The following SNW1 variants were observed in gnomAD, a reference collection of about 807,000 sequenced individuals.
SNW1 encodes SNW domain-containing protein 1.
Under a neutral mutation model 75.6 loss-of-function variants are expected in SNW1, and 9 were observed. The ratio of observed to expected loss-of-function variants is 0.12; its 90% confidence interval spans 0.07 to 0.21. SNW1 has a LOEUF of 0.21. Ranked by LOEUF, SNW1 falls within the 10% of genes least tolerant of loss-of-function variation. SNW1 has a pLI of 1.00. For missense variants in SNW1, 409 were observed against 670.9 expected, an observed-to-expected ratio of 0.61 and a Z score of 4.31; for synonymous variants, 200 against 219.1, an observed-to-expected ratio of 0.91 and a Z score of 0.77.
Position 77,718,133 on chromosome 14 carries a change from G to A in SNW1, c.1566C>T (p.Arg522=), listed in dbSNP as rs2080504664. Residue 522 remains arginine (R), a synonymous_variant, in exon 14 of 14, where the codon CGC becomes CGT. Coordinates refer to ENST00000261531, the MANE Select transcript of SNW1 (RefSeq NM_012245.3). ...TGCCTTCATGCTCGTGTTCCTTGGG[G>A]CGGCTGCTATCTGAGGGTCTTTTAG... ...GGSKRPSDSS[R]PKEHEHEGKK... The A allele has an allele frequency of 6.2e-7, 1 of 1,609,710 alleles. No homozygotes were observed. Among genetic ancestry groups the A allele is most frequent in the Admixed American group, 1.7e-5 (1 of 58,854 alleles).
Position 77,738,843 on chromosome 14 carries a change from T to G in SNW1, c.468A>C (p.Ser156=). 6.2e-7 allele frequency: 1 copy of G among 1,614,200 alleles called. No homozygotes were observed. Among genetic ancestry groups the G allele is most frequent in the Non-Finnish European group, 8.5e-7 (1 of 1,180,030 alleles). ...CTGGCATGGCTGCGGCGACCTTCTG[T>G]GATACAGATTTTTCTAAGGCTACTC... ...KTRVALEKSV[S]QKVAAAMPVR... Residue 156 remains serine (S), a synonymous_variant, in exon 5 of 14, where the codon TCA becomes TCC. Transcript: ENST00000261531.
At chr14:77,758,754 C>A (rs2139938543) in intron 1 of SNW1, among the ~76,000 whole-genome samples, 1 of 152,314 alleles carries the variant, frequency 6.6e-6, no homozygotes, top group South Asian at 2.1e-4. Context: ...AACTCAGTTT[C>A]TCCTATTATT....
At chr14:77,739,088 TAAGAA>T (rs766151075) in intron 3 of SNW1, 27 bp from the exon 4 acceptor site, 3 of 1,552,720 alleles carry the variant, frequency 1.9e-6, no homozygotes, top group Non-Finnish European at 2.7e-6. Context: ...CAAGCAGGCT[TAAGAA>T]AAGCAAACAA....
intron 1 of SNW1, chr14:77,760,623 C>G: frequency 1.4e-6 from 1 of 702,240 alleles, no homozygotes; most frequent in Non-Finnish European, 2.6e-6. Context: ...TCATTTAAAT[C>G]TGTGTTCAGC....
At chr14:77,735,663 T>C (rs980327376) in intron 7 of SNW1, among the ~76,000 whole-genome samples, 1 of 152,160 alleles carries the variant, frequency 6.6e-6, no homozygotes, top group Non-Finnish European at 1.5e-5. Flanking sequence ...AGGGACCTAA[T>C]GAACCCATAT....
rs1358038243 is a variant in SNW1, at chr14:77,727,683, T to A, written c.1033+3305A>T. ...TTCTTGGTTCTATTAATGTGATGTA[T>A]CACATTTACTGATTTGCATATACTG... On this transcript the variant is annotated intron_variant, in intron 10 of 13. Transcript: ENST00000261531. Among the ~76,000 whole-genome samples the A allele has an allele frequency of 2.0e-5, 3 of 152,230 alleles. No homozygotes were observed. The East Asian group carries it at 5.8e-4, about 29-fold the overall frequency.
Position 77,723,253 on chromosome 14 carries a change from T to G in SNW1, c.1058A>C (p.Asp353Ala). ...TTTTCGCCTGTCATGCCGGATTTCA[T>G]CCCTCTCACGTGCCTCCCCATCCTC... The part of the protein sequence containing the change: ...EKEDGEARER[D>A]EIRHDRRKER... The change falls in exon 11 of 14, where the codon GAT becomes GCT. Residue 353 changes from aspartate to alanine, a missense_variant. Asp to Ala is a moderately radical substitution (Grantham distance 126, BLOSUM62 -2). Coordinates refer to ENST00000261531, the MANE Select transcript of SNW1 (RefSeq NM_012245.3). 6.2e-7 allele frequency: 1 copy of G among 1,614,146 alleles called. No individual in the cohort carries two copies. The highest frequency in any genetic ancestry group is 8.5e-7 in the Non-Finnish European group (1 of 1,180,018).
At chr14:77,728,410 C>G (rs1044135077) in intron 10 of SNW1, among the ~76,000 whole-genome samples, 2 of 152,060 alleles carry the variant, frequency 1.3e-5, no homozygotes, top group African/African-American at 4.8e-5. Flanking sequence ...GAGATTGCAT[C>G]ATTACACTTC....
At chr14:77,718,762 A>AGTGCAGT (rs2139887907) in intron 12 of SNW1, among the ~76,000 whole-genome samples, 1 of 148,440 alleles carries the variant, frequency 6.7e-6, no homozygotes, top group East Asian at 2.0e-4. Context: ...CCCAGGCTGG[A>AGTGCAGT]GTGCAGTGGT....
chr14:77,720,866 T>C (rs748151976), intron 11 of SNW1, 38 bp from the exon 12 acceptor site: 12 of 1,280,196 alleles, frequency 9.4e-6, no homozygotes, highest in Middle Eastern at 1.9e-4. Flanking sequence ...GAAAACTCTT[T>C]ATAGACAAGC....
At chr14:77,758,516 C>G (rs1364105257) in intron 1 of SNW1, among the ~76,000 whole-genome samples, 1 of 152,170 alleles carries the variant, frequency 6.6e-6, no homozygotes, top group African/African-American at 2.4e-5. Flanking sequence ...CTCTCTAGAG[C>G]TGTTTTCTGA....
chr14:77,736,050 C>A (rs377088497), intron 6 of SNW1, 44 bp from the exon 7 acceptor site: 1 of 1,424,574 alleles, frequency 7.0e-7, no homozygotes, highest in Non-Finnish European at 9.8e-7. Context: ...AGTTTCCTCC[C>A]TTTTAGTCAT....
At position 77,717,620 on chromosome 14, in the gene SNW1, T is replaced by A. The variant is rs1387147097; in HGVS notation, c.*468A>T. On this transcript the variant is annotated 3_prime_UTR_variant, in exon 14 of 14. Transcript: ENST00000261531. ...AGAATTTTGTCTAAATGTTTTTATTTGAAACAAATAGTTGCACCAAGCAAG... is the reference window on the plus strand; with the variant it reads ...AGAATTTTGTCTAAATGTTTTTATTAGAAACAAATAGTTGCACCAAGCAAG... 4.0e-6 allele frequency: 6 copies of A among 1,518,044 alleles called. No homozygotes were observed. Among genetic ancestry groups the A allele is most frequent in the Non-Finnish European group, 5.5e-6 (6 of 1,098,060 alleles). The allele number at this position is 1,518,044 out of a possible 1,614,324, so 94.0% of individuals were successfully genotyped here.
intron 8 of SNW1, chr14:77,734,107 A>G (rs2080650700): frequency 4.7e-6 from 1 of 213,790 alleles, no homozygotes; most frequent in East Asian, 1.2e-4. Context: ...CAAAAATAAA[A>G]TCATGAACTA....
In SNW1 at chr14:77,722,700, T is replaced by G. The variant is rs1243255016; in HGVS notation, c.1130+481A>C. 7.5e-5 allele frequency: 27 copies of G among 361,240 alleles called. No individual in the cohort carries two copies. The Admixed American group carries it at 9.8e-4, about 13-fold the overall frequency. The allele number at this position is 361,240 out of a possible 1,614,324, so 22.4% of individuals were successfully genotyped here. A position where few individuals can be genotyped will look rare whatever the true frequency, so the allele number is the denominator to read the frequency against. ...TCAACTAGAGCTAAGACAAAGTAGTTAAGTACAAGAAAATTAAGTGCTAAT... is the reference window on the plus strand; with the variant it reads ...TCAACTAGAGCTAAGACAAAGTAGTGAAGTACAAGAAAATTAAGTGCTAAT... On this transcript the variant is annotated intron_variant, in intron 11 of 13. Transcript: ENST00000261531.
chr14:77,730,394 C>T (rs1284420346), intron 10 of SNW1, among the ~76,000 whole-genome samples: 1 of 152,018 alleles, frequency 6.6e-6, no homozygotes, highest in East Asian at 1.9e-4. Flanking sequence ...ACAGCAGATG[C>T]TCAATATGAA....
rs1304349383 is a variant in SNW1 at position 77,738,831 on chromosome 14, G to A, written c.480C>T (p.Ala160=). The A allele has an allele frequency of 2.5e-6, 4 of 1,613,980 alleles. No homozygotes were observed. The highest frequency in any genetic ancestry group is 2.2e-5 in the East Asian group (1 of 44,896). Residue 160 remains alanine, a synonymous_variant, in exon 5 of 14, where the codon GCC becomes GCT. Transcript: ENST00000261531. ...ALEKSVSQKV[A]AAMPVRAADK... is the part of the protein sequence containing the mutation. ...CAGCTGCTCGAACTGGCATGGCTGC[G>A]GCGACCTTCTGTGATACAGATTTTT...
chr14:77,749,686 G>A (rs1001583190), intron 3 of SNW1, among the ~76,000 whole-genome samples: 1 of 152,202 alleles, frequency 6.6e-6, no homozygotes, highest in African/African-American at 2.4e-5. Flanking sequence ...ATGATCGCCT[G>A]AGCCCAAGAG....
At position 77,717,911 on chromosome 14, in the gene SNW1, C is replaced by G; in HGVS notation, c.*177G>C. On this transcript the variant is annotated 3_prime_UTR_variant, in exon 14 of 14. Transcript: ENST00000261531. ...AACACAACCCACTCTTTAAAAAAAA[C>G]TAAATAATTCAAAGTAGAATTTTCT... 1 of 591,352 alleles carries G rather than the reference C, an allele frequency of 1.7e-6. No homozygotes were observed. Among genetic ancestry groups the G allele is most frequent in the Non-Finnish European group, 2.9e-6 (1 of 348,562 alleles). 36.6% of individuals were successfully genotyped at this position (591,352 alleles called of 1,614,324 possible).
Sources: allele counts gnomAD v4.1 joint callset (sites outside exome capture counted in the v4.1 genomes callset), GRCh38; gene constraint gnomAD v4.1.1; transcripts MANE v1.5; gene names NCBI Gene and HGNC (gene_info 2026-07-23, HGNC 2026-07-21).